Variants in SGPP2 observed in about 807,000 individuals in gnomAD.
SGPP2 encodes the protein sphingosine 1-phosphate phosphohydrolase 2.
A neutral mutation model predicts 33.9 loss-of-function variants in SGPP2; 30 were observed. That is an observed-to-expected ratio of 0.89 (90% CI 0.66 to 1.20). The LOEUF is 1.20. Ranked by LOEUF, SGPP2 falls within the 50% of genes most tolerant of loss-of-function variation. The pLI, the probability that SGPP2 is intolerant of heterozygous loss-of-function variation, is 0.00. For missense variants in SGPP2, 458 were observed against 532.1 expected (o/e 0.86, Z 1.37); for synonymous variants, 233 against 225.0 (o/e 1.04, Z -0.32).
chr2:222,474,858 A>G, intron 2 of SGPP2, 132 bp downstream of exon 2: 2 of 790,026 alleles, frequency 2.5e-6, no homozygotes, highest in Non-Finnish European at 3.8e-6. Context: ...TTTGTTGCCT[A>G]ATTTCCTTTG....
At chr2:222,516,815 TACTG>T (rs1372603504) in intron 2 of SGPP2, among the ~76,000 whole-genome samples, 6 of 152,220 alleles carry the variant, frequency 3.9e-5, no homozygotes, top group Non-Finnish European at 7.3e-5. Flanking sequence ...AAAATATAAA[TACTG>T]ACTATTATAG....
intron 4 of SGPP2, among the ~76,000 whole-genome samples, chr2:222,536,016 T>A (rs1219695729): frequency 2.0e-5 from 3 of 152,198 alleles, no homozygotes; most frequent in Non-Finnish European, 4.4e-5. Context: ...GGATTTGAGA[T>A]CTGACACTAC....
At chr2:222,433,433 A>G (rs1383800487) in intron 1 of SGPP2, among the ~76,000 whole-genome samples, 1 of 152,186 alleles carries the variant, frequency 6.6e-6, no homozygotes, top group East Asian at 1.9e-4. Context: ...CTCTCACTGT[A>G]GTTGCGAATG....
intron 4 of SGPP2, among the ~76,000 whole-genome samples, chr2:222,528,126 C>T (rs919147440): frequency 1.3e-5 from 2 of 152,182 alleles, no homozygotes; most frequent in African/African-American, 4.8e-5. Flanking sequence ...TCAACCATAG[C>T]TGCATATTCA....
In SGPP2 at chr2:222,558,430, G is replaced by A. The variant is rs146973494; in HGVS notation, c.732G>A (p.Ser244=). The change falls in exon 5 of 5, where the codon TCG becomes TCA. Residue 244 remains serine, a synonymous_variant. Transcript: ENST00000321276. ...GGACCTTCATCGACTGCCTGGACTC[G>A]GCCAGCCCCCTCTTCCCCGTGTGTG... is the stretch of plus-strand genomic sequence containing the variant. ...PAWTFIDCLD[S]ASPLFPVCVI... 28 of 1,614,040 alleles carry A rather than the reference G, an allele frequency of 1.7e-5. No individual in the cohort carries two copies. In the Admixed American group the frequency reaches 2.3e-4, roughly 13 times the overall value.
At chr2:222,516,880 G>A (rs1056212835) in intron 2 of SGPP2, among the ~76,000 whole-genome samples, 1 of 152,124 alleles carries the variant, frequency 6.6e-6, no homozygotes, top group African/African-American at 2.4e-5. Flanking sequence ...TAAGTGTTTT[G>A]CATACATTTT....
chr2:222,546,925 T>C (rs1470848806), intron 4 of SGPP2, among the ~76,000 whole-genome samples: 1 of 151,922 alleles, frequency 6.6e-6, no homozygotes, highest in Non-Finnish European at 1.5e-5. Flanking sequence ...GTGAATCCTC[T>C]GACCAGGAAC....
At chr2:222,533,166 G>A (rs1232274121) in intron 4 of SGPP2, among the ~76,000 whole-genome samples, 1 of 152,192 alleles carries the variant, frequency 6.6e-6, no homozygotes, top group Non-Finnish European at 1.5e-5. Context: ...AGAATGTCTT[G>A]GAAGGACTGG....
At chr2:222,442,519 A>C (rs1245889048) in intron 1 of SGPP2, among the ~76,000 whole-genome samples, 2 of 152,164 alleles carry the variant, frequency 1.3e-5, no homozygotes, top group African/African-American at 2.4e-5. Flanking sequence ...TTTCGTAAGT[A>C]CAGAAAAACA....
At chr2:222,511,243 G>A (rs1421589687) in intron 2 of SGPP2, among the ~76,000 whole-genome samples, 1 of 152,130 alleles carries the variant, frequency 6.6e-6, no homozygotes, top group Non-Finnish European at 1.5e-5. Context: ...TGACCGCATT[G>A]GTTCCCTGGA....
At chr2:222,554,855 A>G (rs927948547) in intron 4 of SGPP2, among the ~76,000 whole-genome samples, 4 of 152,202 alleles carry the variant, frequency 2.6e-5, no homozygotes, top group Non-Finnish European at 5.9e-5. Context: ...ATATATTTTG[A>G]AATTTTAATT....
chr2:222,425,456 A>G (rs546672246), intron 1 of SGPP2, among the ~76,000 whole-genome samples: 1 of 152,200 alleles, frequency 6.6e-6, no homozygotes, highest in African/African-American at 2.4e-5. Flanking sequence ...GACCGACACC[A>G]GTGACTTCTA....
chr2:222,460,347 C>T lies in SGPP2; in HGVS notation c.220-14221C>T, dbSNP rs542399805. On this transcript the variant is annotated intron_variant, in intron 1 of 4. Transcript: ENST00000321276. This position sits in a 1 kb window ranked among gnomAD's most constrained non-coding sequence, Gnocchi z 4.3. ...TTATTTCAGATGTGAGGTGGGAGCGCAGGGAGGCTCCAGTGGGGCTGCTGG... is the reference window on the plus strand; with the variant it reads ...TTATTTCAGATGTGAGGTGGGAGCGTAGGGAGGCTCCAGTGGGGCTGCTGG... Among the ~76,000 whole-genome samples, 8 of 152,238 alleles carry T rather than the reference C, an allele frequency of 5.3e-5. No individual in the cohort carries two copies. The South Asian group carries it at 1.7e-3, about 32-fold the overall frequency.
intron 2 of SGPP2, among the ~76,000 whole-genome samples, chr2:222,478,267 TTGTGTG>T (rs113118208): frequency 0.021 from 2,974 of 141,564 alleles, 48 homozygotes; most frequent in Middle Eastern, 0.028. Flanking sequence ...GTGCATGCAT[TTGTGTG>T]TGTGTGTGTG....
chr2:222,516,016 C>G (rs1336768531), intron 2 of SGPP2, among the ~76,000 whole-genome samples: 1 of 152,172 alleles, frequency 6.6e-6, no homozygotes, highest in Non-Finnish European at 1.5e-5. Context: ...CCACTGCACT[C>G]TAGCCCAGGC....
At chr2:222,532,916 A>AC (rs1269641005) in intron 4 of SGPP2, among the ~76,000 whole-genome samples, 1 of 151,868 alleles carries the variant, frequency 6.6e-6, no homozygotes, top group Non-Finnish European at 1.5e-5. Flanking sequence ...TGACTTTACC[A>AC]CCCCTGGGGC....
chr2:222,464,767 G>A (rs527237324), intron 1 of SGPP2, among the ~76,000 whole-genome samples: 8 of 152,152 alleles, frequency 5.3e-5, no homozygotes, highest in Non-Finnish European at 1.0e-4. Flanking sequence ...ACAGGTATGA[G>A]CTACTGCACC....
chr2:222,510,284 A>G (rs1014972386), intron 2 of SGPP2, among the ~76,000 whole-genome samples: 1 of 152,226 alleles, frequency 6.6e-6, no homozygotes, highest in Non-Finnish European at 1.5e-5. Context: ...TATCCAAGTC[A>G]TCTTACTGGT....
At chr2:222,485,700 G>A (rs1698095553) in intron 2 of SGPP2, among the ~76,000 whole-genome samples, 1 of 152,156 alleles carries the variant, frequency 6.6e-6, no homozygotes, top group Non-Finnish European at 1.5e-5. Context: ...CAGGCTTCTT[G>A]CCTCTGCCTG....
Sources: allele counts gnomAD v4.1 joint callset (sites outside exome capture counted in the v4.1 genomes callset), GRCh38; gene constraint gnomAD v4.1.1; non-coding constraint Gnocchi (gnomAD v3.1); transcripts MANE v1.5; gene names NCBI Gene and HGNC (gene_info 2026-07-23, HGNC 2026-07-21).